Variants in PRUNE2 observed in about 807,000 individuals in gnomAD.
PRUNE2 encodes protein prune homolog 2.
In PRUNE2, 164 loss-of-function variants were observed where a neutral mutation model predicts 252.0. That is an observed-to-expected ratio of 0.65 (90% CI 0.57 to 0.74). The LOEUF is 0.74. PRUNE2 is among the 30% of genes least tolerant of loss of function. PRUNE2 has a pLI of 0.00. For synonymous variants in PRUNE2, 1,292 were observed against 1,350.2 expected (o/e 0.96, Z 0.94); for missense variants, 3,495 against 3,711.0 (o/e 0.94, Z 1.51).
intron 12 of PRUNE2, among the ~76,000 whole-genome samples, chr9:76,640,719 G>T (rs1441482019): frequency 6.6e-6 from 1 of 152,150 alleles, no homozygotes; most frequent in Non-Finnish European, 1.5e-5. Context: ...TAATTAAATG[G>T]AAATCCACAA....
intron 7 of PRUNE2, among the ~76,000 whole-genome samples, chr9:76,712,945 G>C (rs2046852394): frequency 6.6e-6 from 1 of 152,144 alleles, no homozygotes; most frequent in Admixed American, 6.5e-5. Flanking sequence ...TTAGTGAAGA[G>C]AAATAAGTAA....
chr9:76,745,727 CTT>C (rs1418212094), intron 6 of PRUNE2, among the ~76,000 whole-genome samples: 1 of 152,214 alleles, frequency 6.6e-6, no homozygotes, highest in Non-Finnish European at 1.5e-5. Flanking sequence ...AAATAAAACT[CTT>C]TCTCTATTGT....
At chr9:76,788,493 C>T (rs1341594839) in intron 6 of PRUNE2, 1 of 722,164 alleles carries the variant, frequency 1.4e-6, no homozygotes, top group South Asian at 1.5e-5. Context: ...CGTCTCTATT[C>T]ACCAGCCATG....
chr9:76,686,018 C>T (rs1355120775), intron 9 of PRUNE2, among the ~76,000 whole-genome samples: 2 of 152,222 alleles, frequency 1.3e-5, no homozygotes, highest in African/African-American at 2.4e-5. Context: ...AGTATAATCA[C>T]ATTCTATGAA....
chr9:76,890,170 A>G (rs116091025), intron 1 of PRUNE2, among the ~76,000 whole-genome samples: 2,347 of 152,306 alleles, frequency 0.015, 65 homozygotes, highest in African/African-American at 0.052. Flanking sequence ...TTTGAGCCTC[A>G]GTTTCCAGCT....
At chr9:76,896,298 G>A (rs1264153945) in intron 1 of PRUNE2, among the ~76,000 whole-genome samples, 1 of 152,204 alleles carries the variant, frequency 6.6e-6, no homozygotes, top group Middle Eastern at 3.2e-3. Flanking sequence ...GCATTTCTGT[G>A]AATGATTTAC....
intron 17 of PRUNE2, among the ~76,000 whole-genome samples, chr9:76,619,999 T>C (rs1831459617): frequency 6.6e-6 from 1 of 152,174 alleles, no homozygotes; most frequent in Non-Finnish European, 1.5e-5. Context: ...TAAAAGTGTT[T>C]TTATGGCATT....
In PRUNE2 at chr9:76,706,786, A is replaced by G. The variant is rs199654622; in HGVS notation, c.5488T>C (p.Trp1830Arg). ...CTCCCTTCCTGGGGTGAGGCCTTCC[A>G]CCACTCAGTGCTATCAGCTGAGAAG... ...LGFSADSTEW[W>R]KASPQEGRLI... The change falls in exon 8 of 19, where the codon TGG (tryptophan) becomes CGG (arginine). Residue 1830 changes from tryptophan (W) to arginine (R), a missense_variant. By Grantham distance (101) the Trp-to-Arg change is moderately radical. Transcript: ENST00000376718. 314 of 1,610,374 alleles carry G rather than the reference A, an allele frequency of 1.9e-4. 1 individual carries two copies. Among genetic ancestry groups the G allele is most frequent in the Middle Eastern group, 4.9e-4 (3 of 6,074 alleles).
At chr9:76,732,752 T>C (rs73650988) in intron 6 of PRUNE2, among the ~76,000 whole-genome samples, 7,987 of 152,258 alleles carry the variant, frequency 0.052, 654 homozygotes, top group African/African-American at 0.18. Flanking sequence ...CTGTCTGAGC[T>C]GGACTGAATG....
chr9:76,786,561 C>A (rs1455833521), intron 6 of PRUNE2: 3 of 151,954 alleles, frequency 2.0e-5, no homozygotes, highest in Non-Finnish European at 2.9e-5. Flanking sequence ...GCTTCCACGA[C>A]TTTTATCTTT....
intron 6 of PRUNE2, among the ~76,000 whole-genome samples, chr9:76,815,893 G>A (rs12376014): frequency 0.13 from 19,528 of 152,074 alleles, 1,390 homozygotes; most frequent in East Asian, 0.2. Flanking sequence ...AGGTGCGGTG[G>A]CTCACGCCTG....
chr9:76,873,663 C>T (rs780419068), intron 1 of PRUNE2, among the ~76,000 whole-genome samples: 3 of 152,102 alleles, frequency 2.0e-5, no homozygotes, highest in Admixed American at 6.5e-5. Context: ...GCATATGAGG[C>T]GAGGAGAGAG....
chr9:76,826,972 T>C (rs1421117062), intron 4 of PRUNE2, among the ~76,000 whole-genome samples: 2 of 152,154 alleles, frequency 1.3e-5, no homozygotes, highest in South Asian at 4.1e-4. Flanking sequence ...GCATACTCTA[T>C]GGTACAGAAT....
At chr9:76,786,970 C>T (rs1005437147) in intron 6 of PRUNE2, 1 of 152,166 alleles carries the variant, frequency 6.6e-6, no homozygotes, top group African/African-American at 2.4e-5. Flanking sequence ...GGGGACCACT[C>T]CTGGGCCTTC....
At chr9:76,905,414 A>G (rs568051886) in intron 1 of PRUNE2, among the ~76,000 whole-genome samples, 13 of 152,318 alleles carry the variant, frequency 8.5e-5, no homozygotes, top group African/African-American at 2.9e-4. Context: ...ACACTAGAAT[A>G]TCCCTAACTC....
chr9:76,857,100 T>C, intron 1 of PRUNE2: 1 of 455,928 alleles, frequency 2.2e-6, no homozygotes, highest in Non-Finnish European at 4.4e-6. Flanking sequence ...CTCACTTTCC[T>C]TCATCCTATG....
chr9:76,793,908 G>C (rs1310603947), intron 6 of PRUNE2, among the ~76,000 whole-genome samples: 2 of 152,142 alleles, frequency 1.3e-5, no homozygotes, highest in Non-Finnish European at 2.9e-5. Flanking sequence ...CAGCAAATCT[G>C]ATATTTCTTC....
chr9:76,900,522 C>T lies in PRUNE2; in HGVS notation c.36+5406G>A, dbSNP rs112165235. On this transcript the variant is annotated intron_variant, in intron 1 of 18. Transcript: ENST00000376718. ...TTTGAGACCCCTAACAGGGTAGCCA[C>T]GAATGACTGTGCAGGTTGTGTACTA... Among the ~76,000 whole-genome samples the T allele has an allele frequency of 8.9e-3, 1,349 of 152,256 alleles. 16 individuals carry two copies. The highest frequency in any genetic ancestry group is 0.031 in the African/African-American group (1,267 of 41,536).
chr9:76,633,469 T>G (rs1342310992), intron 15 of PRUNE2, among the ~76,000 whole-genome samples: 1 of 151,526 alleles, frequency 6.6e-6, no homozygotes, highest in Non-Finnish European at 1.5e-5. Context: ...TGGTCCCAGC[T>G]ACTTGGGAGG....
Sources: allele counts gnomAD v4.1 joint callset (sites outside exome capture counted in the v4.1 genomes callset), GRCh38; gene constraint gnomAD v4.1.1; transcripts MANE v1.5; gene names NCBI Gene and HGNC (gene_info 2026-07-23, HGNC 2026-07-21).